The following FLVCR2 variants were observed in gnomAD, a reference collection of about 807,000 sequenced individuals.
FLVCR2 encodes FLVCR choline and putative heme transporter 2.
Under a neutral mutation model 48.9 loss-of-function variants are expected in FLVCR2, and 38 were observed. The ratio of observed to expected loss-of-function variants is 0.78; its 90% CI spans 0.60 to 1.02. The LOEUF (loss-of-function observed/expected upper bound fraction) is 1.02. Among genes scored for constraint, FLVCR2 ranks in the 50% least tolerant of loss-of-function variants. The pLI, the probability that FLVCR2 is intolerant of heterozygous loss-of-function variation, is 0.00. For missense variants in FLVCR2, 664 were observed against 663.3 expected (o/e 1.00, Z -0.01); for synonymous variants, 255 against 257.0 (o/e 0.99, Z 0.07).
chr14:75,618,527 G>A (rs965267858), intron 1 of FLVCR2, among the ~76,000 whole-genome samples: 1 of 152,224 alleles, frequency 6.6e-6, no homozygotes, highest in Non-Finnish European at 1.5e-5. Context: ...TAGAACAAGT[G>A]CAGGGATGTA....
intron 1 of FLVCR2, among the ~76,000 whole-genome samples, chr14:75,593,856 A>G (rs1403547169): frequency 1.3e-5 from 2 of 152,186 alleles, no homozygotes; most frequent in African/African-American, 4.8e-5. Context: ...TTTTTCTCCT[A>G]CGGACACTTT....
intron 1 of FLVCR2, among the ~76,000 whole-genome samples, chr14:75,593,116 A>G (rs557478149): frequency 1.3e-5 from 2 of 152,116 alleles, no homozygotes; most frequent in South Asian, 4.2e-4. Flanking sequence ...CATCAAAATT[A>G]CTCTTAATGC....
At chr14:75,584,526 C>CT (rs1433230326) in intron 1 of FLVCR2, among the ~76,000 whole-genome samples, 1 of 151,720 alleles carries the variant, frequency 6.6e-6, no homozygotes, top group Admixed American at 6.5e-5. Flanking sequence ...GGTAGTTTCT[C>CT]TAAGTTTGTC....
intron 3 of FLVCR2, among the ~76,000 whole-genome samples, chr14:75,628,582 C>T (rs1046248196): frequency 6.6e-6 from 1 of 152,186 alleles, no homozygotes; most frequent in Non-Finnish European, 1.5e-5. Flanking sequence ...AGGAATTAAG[C>T]AGGCAACAGC....
At chr14:75,618,660 G>A (rs1594805478) in intron 1 of FLVCR2, among the ~76,000 whole-genome samples, 1 of 152,308 alleles carries the variant, frequency 6.6e-6, no homozygotes, top group East Asian at 1.9e-4. Flanking sequence ...ATGTTTCACT[G>A]ATTCAGGCCC....
At chr14:75,604,972 C>T (rs1889254859) in intron 1 of FLVCR2, among the ~76,000 whole-genome samples, 1 of 152,180 alleles carries the variant, frequency 6.6e-6, no homozygotes, top group South Asian at 2.1e-4. Flanking sequence ...CTCACTGGGT[C>T]AACCCCTATG....
chr14:75,645,096 T>C (rs1207582987), intron 9 of FLVCR2, among the ~76,000 whole-genome samples: 1 of 150,842 alleles, frequency 6.6e-6, no homozygotes, highest in African/African-American at 2.5e-5. Context: ...GAGGGGAGAC[T>C]AAGTGACTGA....
rs1272290953 is a variant in FLVCR2 at position 75,641,884 on chromosome 14, G to A, written c.1495G>A (p.Glu499Lys). The change falls in exon 9 of 10, where the codon GAA becomes AAA. Residue 499 changes from glutamate to lysine, a missense_variant. Physicochemically the swap from Glu to Lys is moderately conservative, Grantham distance 56. Transcript: ENST00000238667. ...ADLRRQKANK[E>K]TLENKLQEEE... ...TCTCCGGAGACAGAAAGCAAACAAA[G>A]AAACTCTTGAGAACGTGAGTATATG... The A allele has an allele frequency of 1.2e-6, 2 of 1,614,004 alleles. No individual in the cohort carries two copies. Among genetic ancestry groups the A allele is most frequent in the Non-Finnish European group, 1.7e-6 (2 of 1,179,982 alleles).
intron 3 of FLVCR2, among the ~76,000 whole-genome samples, chr14:75,628,022 C>A (rs1594810328): frequency 6.6e-6 from 1 of 152,236 alleles, no homozygotes; most frequent in East Asian, 1.9e-4. Flanking sequence ...TAGCTTCTTG[C>A]CTATAGGGCG....
intron 3 of FLVCR2, among the ~76,000 whole-genome samples, chr14:75,628,710 C>G (rs1889966262): frequency 6.6e-6 from 1 of 152,188 alleles, no homozygotes; most frequent in Admixed American, 6.5e-5. Flanking sequence ...GTTTTGGTGT[C>G]AGCTCTGCCA....
intron 1 of FLVCR2, among the ~76,000 whole-genome samples, chr14:75,581,217 CA>C (rs1888597004): frequency 6.6e-6 from 1 of 152,078 alleles, no homozygotes; most frequent in Non-Finnish European, 1.5e-5. Flanking sequence ...ACGGAAGACA[CA>C]AGGTCTGAAA....
At chr14:75,642,105 G>C in intron 9 of FLVCR2, 2 of 601,818 alleles carry the variant, frequency 3.3e-6, no homozygotes, top group Non-Finnish European at 5.9e-6. Flanking sequence ...ACCCTTTCTT[G>C]GACTCTTCTC....
chr14:75,615,427 G>A (rs1889582846), intron 1 of FLVCR2, among the ~76,000 whole-genome samples: 1 of 152,156 alleles, frequency 6.6e-6, no homozygotes, highest in South Asian at 2.1e-4. Context: ...CATCTTGGGA[G>A]TCCCAGTGGC....
At chr14:75,616,881 A>G (rs1000602573) in intron 1 of FLVCR2, among the ~76,000 whole-genome samples, 7 of 152,278 alleles carry the variant, frequency 4.6e-5, no homozygotes, top group Non-Finnish European at 8.8e-5. Flanking sequence ...TTCCTGTTCC[A>G]TTTGGACTGA....
At chr14:75,626,445 G>T (rs904778420) in intron 3 of FLVCR2, among the ~76,000 whole-genome samples, 1 of 151,808 alleles carries the variant, frequency 6.6e-6, no homozygotes, top group Non-Finnish European at 1.5e-5. Context: ...TCCTGGTAGA[G>T]GGGCAATCCT....
At chr14:75,588,312 A>G (rs1243112190) in intron 1 of FLVCR2, among the ~76,000 whole-genome samples, 1 of 152,194 alleles carries the variant, frequency 6.6e-6, no homozygotes, top group Non-Finnish European at 1.5e-5. Context: ...TGTTCAAGAA[A>G]GAGTACAAGA....
chr14:75,618,718 A>G (rs1389088640), intron 1 of FLVCR2, among the ~76,000 whole-genome samples: 1 of 152,170 alleles, frequency 6.6e-6, no homozygotes, highest in African/African-American at 2.4e-5. Context: ...ATGAATGACA[A>G]CCCAAATGGG....
intron 9 of FLVCR2, among the ~76,000 whole-genome samples, chr14:75,642,877 T>A (rs974960569): frequency 5.9e-5 from 9 of 152,234 alleles, no homozygotes; most frequent in East Asian, 3.8e-4. Flanking sequence ...ACTTTTTTTT[T>A]ATGAGACACA....
chr14:75,640,259 A>T (rs1281895312), intron 6 of FLVCR2, among the ~76,000 whole-genome samples: 1 of 35,970 alleles, frequency 2.8e-5, no homozygotes, highest in African/African-American at 5.5e-5. Flanking sequence ...ACTCCGTCTC[A>T]AAAAAAAAAA....
Sources: allele counts gnomAD v4.1 joint callset (sites outside exome capture counted in the v4.1 genomes callset), GRCh38; gene constraint gnomAD v4.1.1; transcripts MANE v1.5; gene names NCBI Gene and HGNC (gene_info 2026-07-23, HGNC 2026-07-21).